Variants in SGCZ observed in about 807,000 individuals in gnomAD.
SGCZ encodes zeta-sarcoglycan.
A neutral mutation model predicts 41.3 loss-of-function variants in SGCZ; 40 were observed. That is an observed-to-expected ratio of 0.97 (90% CI 0.75 to 1.26). SGCZ has a LOEUF of 1.26. Ranked by LOEUF, SGCZ falls within the 50% of genes most tolerant of loss-of-function variation. SGCZ has a pLI of 0.00. For missense variants in SGCZ, 552 were observed against 369.8 expected (o/e 1.49, Z -4.04); for synonymous variants, 206 against 137.5 (o/e 1.50, Z -3.49).
intron 3 of SGCZ, among the ~76,000 whole-genome samples, chr8:14,276,294 T>C (rs141678064): frequency 6.6e-6 from 1 of 152,294 alleles, no homozygotes; most frequent in African/African-American, 2.4e-5. Flanking sequence ...AATGATTCCA[T>C]TGAATCATCA....
chr8:14,204,275 T>G (rs1177639558), intron 4 of SGCZ, among the ~76,000 whole-genome samples: 3 of 98,842 alleles, frequency 3.0e-5, no homozygotes, highest in Admixed American at 2.3e-4. Flanking sequence ...CACTTCACTC[T>G]GAATGTTTTT....
chr8:14,309,377 C>T lies in SGCZ; in HGVS notation c.336+14726G>A, dbSNP rs1441066578. The T allele has an allele frequency of 1.9e-6, 3 of 1,604,988 alleles. No homozygotes were observed. In the African/African-American group the frequency reaches 4.0e-5, roughly 22 times the overall value. On this transcript the variant is annotated intron_variant, in intron 3 of 7. Coordinates refer to ENST00000382080, the MANE Select transcript of SGCZ (RefSeq NM_139167.4). Reference sequence around the variant, plus strand: ...ACGATGGCTAATTACATTGAACAGTCAGCAGAGACGAAGTGACCTCGATCG... The same window carrying T: ...ACGATGGCTAATTACATTGAACAGTTAGCAGAGACGAAGTGACCTCGATCG...
intron 1 of SGCZ, among the ~76,000 whole-genome samples, chr8:14,911,522 T>G (rs551212174): frequency 3.9e-5 from 6 of 152,012 alleles, no homozygotes; most frequent in Non-Finnish European, 8.8e-5. Flanking sequence ...GGGCTACCAA[T>G]CACTAGTTAA....
chr8:14,169,588 T>C (rs976243156), intron 4 of SGCZ, among the ~76,000 whole-genome samples: 4 of 152,160 alleles, frequency 2.6e-5, no homozygotes, highest in African/African-American at 9.7e-5. Flanking sequence ...TTGTCACCCA[T>C]GTCCATCTCC....
intron 3 of SGCZ, among the ~76,000 whole-genome samples, chr8:14,286,659 TAC>T (rs747807848): frequency 5.9e-5 from 9 of 152,154 alleles, no homozygotes; most frequent in Non-Finnish European, 1.2e-4. Context: ...GCACTAACAT[TAC>T]ATCACATTTA....
chr8:14,384,800 C>T lies in SGCZ; in HGVS notation c.235-60596G>A, dbSNP rs187091543. Among the ~76,000 whole-genome samples, 612 of 152,278 alleles carry T rather than the reference C, an allele frequency of 4.0e-3. 8 individuals carry two copies. Among genetic ancestry groups the T allele is most frequent in the African/African-American group, 0.014 (591 of 41,562 alleles). Reference sequence around the variant, plus strand: ...TCCTGGTCTCAAGTGATCCGCCCGCCTTGGCTTCCCAGAGTGCTAGGGTTA... The same window carrying T: ...TCCTGGTCTCAAGTGATCCGCCCGCTTTGGCTTCCCAGAGTGCTAGGGTTA... On this transcript the variant is annotated intron_variant, in intron 2 of 7. Coordinates refer to ENST00000382080, the MANE Select transcript of SGCZ (RefSeq NM_139167.4).
Position 14,480,983 on chromosome 8 carries a change from T to A in SGCZ, c.234+73749A>T, listed in dbSNP as rs961348887. Among the ~76,000 whole-genome samples, 24 of 152,206 alleles carry A rather than the reference T, an allele frequency of 1.6e-4. 1 individual carries two copies. The highest frequency in any genetic ancestry group is 3.4e-3 in the Middle Eastern group (1 of 292). On this transcript the variant is annotated intron_variant, in intron 2 of 7. Coordinates refer to ENST00000382080, the MANE Select transcript of SGCZ (RefSeq NM_139167.4). ...TATCTTGAACATTTGATAACTTTAA[T>A]ATTCACAGTTTATATTTATCAATAG... is the stretch of plus-strand genomic sequence containing the variant.
chr8:15,163,840 ACATAC>A (rs1276990079), intron 1 of SGCZ, among the ~76,000 whole-genome samples: 1 of 152,216 alleles, frequency 6.6e-6, no homozygotes, highest in Non-Finnish European at 1.5e-5. Flanking sequence ...ATTCAACTTT[ACATAC>A]CATGGTGTCT....
intron 1 of SGCZ, among the ~76,000 whole-genome samples, chr8:15,065,326 C>T (rs1351968604): frequency 1.3e-5 from 2 of 151,982 alleles, no homozygotes; most frequent in Non-Finnish European, 2.9e-5. Context: ...TGTTAAAATT[C>T]CTTCCTCTTC....
At chr8:15,076,546 A>G (rs915919985) in intron 1 of SGCZ, among the ~76,000 whole-genome samples, 3 of 152,140 alleles carry the variant, frequency 2.0e-5, no homozygotes, top group Non-Finnish European at 4.4e-5. Context: ...CCTTTTGTCA[A>G]TGAGATAGGC....
In SGCZ at chr8:14,248,206, T is replaced by A. The variant is rs533348039; in HGVS notation, c.337-10527A>T. On this transcript the variant is annotated intron_variant, in intron 3 of 7. Coordinates refer to ENST00000382080, the MANE Select transcript of SGCZ (RefSeq NM_139167.4). ...GTACAAACATTTTTCCCACTTCTCTTCTAATAGAATGATAGTTCATTTCTG... is the reference window on the plus strand; with the variant it reads ...GTACAAACATTTTTCCCACTTCTCTACTAATAGAATGATAGTTCATTTCTG... Among the ~76,000 whole-genome samples, 45 of 152,340 alleles carry A rather than the reference T, an allele frequency of 3.0e-4. 1 individual carries two copies. In the South Asian group the frequency reaches 9.3e-3, roughly 32 times the overall value.
chr8:14,240,314 C>A (rs939443770), intron 3 of SGCZ, among the ~76,000 whole-genome samples: 2 of 108,140 alleles, frequency 1.8e-5, no homozygotes, highest in Admixed American at 1.3e-4. Context: ...AGTGACAGAG[C>A]GAAACTCTGT....
intron 1 of SGCZ, among the ~76,000 whole-genome samples, chr8:14,813,815 T>G (rs1801809180): frequency 2.0e-5 from 3 of 151,986 alleles, no homozygotes; most frequent in African/African-American, 7.2e-5. Flanking sequence ...TAGCCAGGCA[T>G]GGGGGTGCAT....
intron 4 of SGCZ, among the ~76,000 whole-genome samples, chr8:14,221,497 C>T (rs1011473215): frequency 2.0e-5 from 3 of 152,270 alleles, no homozygotes; most frequent in Admixed American, 2.0e-4. Flanking sequence ...AACCAATGCA[C>T]TGAAATAAAA....
chr8:14,626,600 A>G (rs547016143), intron 1 of SGCZ, among the ~76,000 whole-genome samples: 3 of 152,164 alleles, frequency 2.0e-5, no homozygotes, highest in Non-Finnish European at 4.4e-5. Flanking sequence ...CCACTCCAAC[A>G]TGACTGACTG....
intron 2 of SGCZ, among the ~76,000 whole-genome samples, chr8:14,451,972 T>G (rs543653664): frequency 1.4e-3 from 216 of 152,328 alleles, no homozygotes; most frequent in Non-Finnish European, 2.5e-3. Flanking sequence ...GCAATCATAC[T>G]CCTTGTTATT....
chr8:14,991,936 T>A (rs1325822419), intron 1 of SGCZ, among the ~76,000 whole-genome samples: 9 of 133,660 alleles, frequency 6.7e-5, no homozygotes, highest in East Asian at 2.4e-4. Flanking sequence ...TACCCTTGAA[T>A]TTTACCTCTC....
intron 1 of SGCZ, among the ~76,000 whole-genome samples, chr8:15,073,336 A>G (rs1284884676): frequency 6.6e-6 from 1 of 152,152 alleles, no homozygotes; most frequent in Non-Finnish European, 1.5e-5. Context: ...TTATTTTCCG[A>G]GTTGCTGAGT....
At chr8:14,153,341 T>G (rs1803767816) in intron 5 of SGCZ, among the ~76,000 whole-genome samples, 1 of 152,168 alleles carries the variant, frequency 6.6e-6, no homozygotes, top group Non-Finnish European at 1.5e-5. Context: ...TATTCAAAAC[T>G]TCTTCCAGGG....
Sources: allele counts gnomAD v4.1 joint callset (sites outside exome capture counted in the v4.1 genomes callset), GRCh38; gene constraint gnomAD v4.1.1; transcripts MANE v1.5; gene names NCBI Gene and HGNC (gene_info 2026-07-23, HGNC 2026-07-21).